TTC27: variants seen among roughly 807,000 people sequenced by gnomAD.
TTC27 encodes tetratricopeptide repeat domain 27, also known as tetratricopeptide repeat protein 27.
A neutral mutation model predicts 115.9 loss-of-function variants in TTC27; 79 were observed. The observed-to-expected ratio is 0.68, with a 90% CI of 0.57 to 0.82. The LOEUF is 0.82. Ranked by LOEUF, TTC27 falls within the 40% of genes least tolerant of loss-of-function variation. The pLI is 0.00. For missense variants in TTC27, 1,054 were observed against 993.1 expected, an observed-to-expected ratio of 1.06 and a Z score of -0.82; for synonymous variants, 401 against 356.0, an observed-to-expected ratio of 1.13 and a Z score of -1.42.
At chr2:32,640,718 C>T (rs1223695641) in intron 4 of TTC27, among the ~76,000 whole-genome samples, 1 of 152,132 alleles carries the variant, frequency 6.6e-6, no homozygotes, top group Non-Finnish European at 1.5e-5. Flanking sequence ...CATGGTGGCT[C>T]ACGTCTGTAA....
chr2:32,635,138 AG>A (rs1664368887), intron 3 of TTC27: 1 of 152,180 alleles, frequency 6.6e-6, no homozygotes. Flanking sequence ...TAGAGCTTGC[AG>A]TTTGAGTTCC....
chr2:32,755,594 G>C lies in TTC27; in HGVS notation c.1453-2698G>C, dbSNP rs534502385. On this transcript the variant is annotated intron_variant, in intron 12 of 19. Coordinates refer to ENST00000317907, the MANE Select transcript of TTC27 (RefSeq NM_017735.5). ...CTTGGAAAGAGAGGGAGAGGGAGACGGTGGAAAGAGAGGGAGAGGGAGACC... is the reference window on the plus strand; with the variant it reads ...CTTGGAAAGAGAGGGAGAGGGAGACCGTGGAAAGAGAGGGAGAGGGAGACC... Among the ~76,000 whole-genome samples, 611 of 150,266 alleles carry C rather than the reference G, an allele frequency of 4.1e-3. 1 individual carries two copies. Among genetic ancestry groups the C allele is most frequent in the South Asian group, 6.7e-3 (31 of 4,646 alleles).
At chr2:32,758,219 G>T (rs1331431649) in intron 12 of TTC27, 73 bp from the exon 13 acceptor site, 4 of 1,336,834 alleles carry the variant, frequency 3.0e-6, no homozygotes, top group Non-Finnish European at 4.2e-6. Context: ...TGAGATTAAA[G>T]ATGTATATGT....
intron 3 of TTC27, among the ~76,000 whole-genome samples, chr2:32,634,399 G>T (rs755032172): frequency 1.3e-5 from 2 of 151,318 alleles, no homozygotes; most frequent in South Asian, 4.2e-4. Context: ...AGGCTCAGGC[G>T]ATCTTCCCAC....
intron 15 of TTC27, among the ~76,000 whole-genome samples, chr2:32,785,911 C>T (rs1011869912): frequency 6.7e-6 from 1 of 149,164 alleles, no homozygotes; most frequent in African/African-American, 2.5e-5. Context: ...GTTTTATTGC[C>T]TCTTTCAATA....
intron 13 of TTC27, among the ~76,000 whole-genome samples, chr2:32,774,119 A>T (rs1425963998): frequency 6.6e-6 from 1 of 152,186 alleles, no homozygotes; most frequent in Non-Finnish European, 1.5e-5. Flanking sequence ...TATTGAAGGA[A>T]TCGCATATTG....
At chr2:32,815,533 A>G (rs561369753) in intron 18 of TTC27, among the ~76,000 whole-genome samples, 2 of 152,192 alleles carry the variant, frequency 1.3e-5, no homozygotes, top group South Asian at 2.1e-4. Flanking sequence ...TTGAAACAGC[A>G]AGTTATTTCT....
At chr2:32,640,047 A>C (rs1664582324) in intron 3 of TTC27, among the ~76,000 whole-genome samples, 1 of 152,108 alleles carries the variant, frequency 6.6e-6, no homozygotes, top group Admixed American at 6.6e-5. Context: ...CCAAAAAATC[A>C]AGTTTGATCA....
chr2:32,722,829 A>G (rs1167743567), intron 10 of TTC27, among the ~76,000 whole-genome samples: 3 of 152,152 alleles, frequency 2.0e-5, no homozygotes, highest in African/African-American at 7.2e-5. Flanking sequence ...AGGGCACACA[A>G]TCTCAGGACA....
rs1157216200 is a variant in TTC27 at position 32,667,383 on chromosome 2, T to C, written c.939+615T>C. ...CATGAAGCCGTTTAGTATTTATGCATGTGTTTTCTGATCCCAGAAACCCCC... is the reference window on the plus strand; with the variant it reads ...CATGAAGCCGTTTAGTATTTATGCACGTGTTTTCTGATCCCAGAAACCCCC... On this transcript the variant is annotated intron_variant, in intron 7 of 19. Coordinates refer to ENST00000317907, the MANE Select transcript of TTC27 (RefSeq NM_017735.5). 2.6e-5 allele frequency among the ~76,000 whole-genome samples: 4 copies of C among 151,830 alleles called. No homozygotes were observed. In the South Asian group the frequency reaches 6.2e-4, roughly 24 times the overall value.
intron 13 of TTC27, among the ~76,000 whole-genome samples, chr2:32,760,520 C>T (rs1333847300): frequency 2.0e-5 from 3 of 152,142 alleles, no homozygotes; most frequent in African/African-American, 7.2e-5. Flanking sequence ...TCTGGCCTGT[C>T]ATGCCACTAG....
chr2:32,778,078 G>C, intron 14 of TTC27, 98 bp downstream of exon 14: 1 of 1,154,420 alleles, frequency 8.7e-7, no homozygotes, highest in South Asian at 1.6e-5. Context: ...TTTTGTGTTG[G>C]AGGAAAGTGT....
At position 32,674,219 on chromosome 2, in the gene TTC27, C is replaced by T. The variant is rs181879748; in HGVS notation, c.1052+1835C>T. ...AGGCTGGAGTGCAGTGGCGCGATCT[C>T]GGCTCACTGCAACCTCCGCCTCCCA... On this transcript the variant is annotated intron_variant, in intron 8 of 19. Coordinates refer to ENST00000317907, the MANE Select transcript of TTC27 (RefSeq NM_017735.5). Among the ~76,000 whole-genome samples, 25 of 150,912 alleles carry T rather than the reference C, an allele frequency of 1.7e-4. 1 individual carries two copies. In the East Asian group the frequency reaches 4.1e-3, roughly 25 times the overall value.
intron 4 of TTC27, among the ~76,000 whole-genome samples, chr2:32,647,168 A>T: frequency 6.6e-6 from 1 of 151,822 alleles, no homozygotes. Context: ...GCTGGTCTTG[A>T]ATTTATGGCC....
At position 32,682,844 on chromosome 2, in the gene TTC27, G is replaced by GTTTTTTTTTTTTTTTTTT. The variant is rs142030247; in HGVS notation, c.1119+3924_1119+3925insTTTTTTTTTTTTTTTTTT. ...CCACCACACCCGGATAATTTTTATTGTTGTTTTTTTTTTTTTTTTTTTTTT... is the reference window on the plus strand; with the variant it reads ...CCACCACACCCGGATAATTTTTATTGTTTTTTTTTTTTTTTTTTTTGTTTTTTTTTTTTTTTTTTTTTT... On this transcript the variant is annotated intron_variant, in intron 9 of 19. Transcript: ENST00000317907. Among the ~76,000 whole-genome samples, 39 of 56,982 alleles carry GTTTTTTTTTTTTTTTTTT rather than the reference G, an allele frequency of 6.8e-4. 8 individuals carry two copies. Among genetic ancestry groups the GTTTTTTTTTTTTTTTTTT allele is most frequent in the East Asian group, 2.8e-3 (5 of 1,772 alleles). 37.4% of individuals were successfully genotyped at this position (56,982 alleles called of 152,430 possible). A position where few individuals can be genotyped will look rare whatever the true frequency, so the allele number is the denominator to read the frequency against.
chr2:32,795,300 A>C (rs1003766221), intron 16 of TTC27, among the ~76,000 whole-genome samples: 1 of 152,030 alleles, frequency 6.6e-6, no homozygotes, highest in African/African-American at 2.4e-5. Flanking sequence ...AACATATGAA[A>C]TAGATCAATA....
intron 9 of TTC27, among the ~76,000 whole-genome samples, chr2:32,691,623 A>T (rs1666814776): frequency 6.6e-6 from 1 of 152,056 alleles, no homozygotes. Context: ...TTTGATGAAT[A>T]CTTCTCTTTT....
At chr2:32,703,389 C>T (rs1667257721) in intron 10 of TTC27, among the ~76,000 whole-genome samples, 1 of 152,198 alleles carries the variant, frequency 6.6e-6, no homozygotes, top group South Asian at 2.1e-4. Flanking sequence ...ATCGCTTGAA[C>T]CCTGGAGGCA....
chr2:32,706,230 G>A (rs202127799), intron 10 of TTC27, among the ~76,000 whole-genome samples: 3 of 151,468 alleles, frequency 2.0e-5, no homozygotes, highest in Non-Finnish European at 2.9e-5. Context: ...TTACAGGCAT[G>A]TGCCACCATG....
Sources: allele counts gnomAD v4.1 joint callset (sites outside exome capture counted in the v4.1 genomes callset), GRCh38; gene constraint gnomAD v4.1.1; transcripts MANE v1.5; gene names NCBI Gene and HGNC (gene_info 2026-07-23, HGNC 2026-07-21).